The following LRRC4C variants were observed in gnomAD, a reference collection of about 807,000 sequenced individuals.
LRRC4C encodes the protein leucine rich repeat containing 4C.
A neutral mutation model predicts 33.6 loss-of-function variants in LRRC4C; 5 were observed. The ratio of observed to expected loss-of-function variants is 0.15; its 90% CI spans 0.08 to 0.31. The LOEUF (loss-of-function observed/expected upper bound fraction) is 0.31, where lower values mean the gene tolerates loss of function less well. Ranked by LOEUF, LRRC4C falls within the 10% of genes least tolerant of loss-of-function variation. The pLI is 1.00. For synonymous variants in LRRC4C, 329 were observed against 302.0 expected, an observed-to-expected ratio of 1.09 and a Z score of -0.93; for missense variants, 560 against 796.7, an observed-to-expected ratio of 0.70 and a Z score of 3.58.
At chr11:40,261,434 T>G (rs780965499) in intron 4 of LRRC4C, among the ~76,000 whole-genome samples, 8 of 152,102 alleles carry the variant, frequency 5.3e-5, no homozygotes, top group Non-Finnish European at 1.0e-4. Context: ...TATTTTCCAG[T>G]GTGAAGGAGA....
At chr11:40,763,904 G>C (rs747153325) in intron 2 of LRRC4C, among the ~76,000 whole-genome samples, 12 of 152,256 alleles carry the variant, frequency 7.9e-5, no homozygotes, top group African/African-American at 2.9e-4. Context: ...GCAATTCCTA[G>C]GCAAGTCTTG....
In LRRC4C at chr11:40,849,265, G is replaced by T. The variant is rs182137592; in HGVS notation, c.-407+84370C>A. ...GGTCTTTACATTTTGGTTTCTTTTT[G>T]CAGTGGCTTGTGCCAGGTTTTCCTT... On this transcript the variant is annotated intron_variant, in intron 2 of 6. Coordinates refer to ENST00000528697, the MANE Select transcript of LRRC4C (RefSeq NM_001258419.2). Among the ~76,000 whole-genome samples the T allele has an allele frequency of 2.4e-3, 366 of 152,248 alleles. 4 individuals carry two copies. Among genetic ancestry groups the T allele is most frequent in the African/African-American group, 7.9e-3 (330 of 41,554 alleles).
intron 2 of LRRC4C, among the ~76,000 whole-genome samples, chr11:40,828,097 T>C (rs1952243177): frequency 6.6e-6 from 1 of 151,394 alleles, no homozygotes; most frequent in South Asian, 2.1e-4. Flanking sequence ...GAGCTAAAAT[T>C]ATACTTGAAC....
At chr11:40,813,433 G>A (rs905145288) in intron 2 of LRRC4C, among the ~76,000 whole-genome samples, 2 of 152,074 alleles carry the variant, frequency 1.3e-5, no homozygotes, top group African/African-American at 2.4e-5. Flanking sequence ...AATTATTACA[G>A]TAACATTATG....
At chr11:40,442,134 G>A (rs1482023265) in intron 3 of LRRC4C, among the ~76,000 whole-genome samples, 2 of 118,020 alleles carry the variant, frequency 1.7e-5, no homozygotes, top group Non-Finnish European at 3.2e-5. Context: ...CTGCACTTCA[G>A]CCTGGGTGAC....
At chr11:41,141,056 T>C (rs1317683753) in intron 1 of LRRC4C, among the ~76,000 whole-genome samples, 2 of 152,172 alleles carry the variant, frequency 1.3e-5, no homozygotes, top group Non-Finnish European at 2.9e-5. Context: ...AAAGTAGATC[T>C]AGTAGTGTCA....
At chr11:40,354,506 G>C (rs553348614) in intron 3 of LRRC4C, among the ~76,000 whole-genome samples, 3 of 152,132 alleles carry the variant, frequency 2.0e-5, no homozygotes, top group African/African-American at 7.2e-5. Context: ...AGGAATTTAC[G>C]TGATGGTCTA....
chr11:41,338,987 G>A (rs117256162), intron 1 of LRRC4C, among the ~76,000 whole-genome samples: 1,606 of 152,186 alleles, frequency 0.011, 22 homozygotes, highest in Non-Finnish European at 0.015. Flanking sequence ...AACTAAAAGA[G>A]TAACACATAG....
intron 3 of LRRC4C, among the ~76,000 whole-genome samples, chr11:40,451,886 G>T (rs1652250862): frequency 6.6e-6 from 1 of 152,158 alleles, no homozygotes; most frequent in Non-Finnish European, 1.5e-5. Flanking sequence ...AATGATTTCT[G>T]CATTTGCAAC....
At chr11:41,002,210 A>G (rs916114429) in intron 1 of LRRC4C, among the ~76,000 whole-genome samples, 12 of 152,196 alleles carry the variant, frequency 7.9e-5, no homozygotes, top group African/African-American at 2.9e-4. Flanking sequence ...CTCATGGAGT[A>G]AAGAGGACTA....
chr11:40,372,559 A>G (rs910244286), intron 3 of LRRC4C, among the ~76,000 whole-genome samples: 2 of 152,198 alleles, frequency 1.3e-5, no homozygotes, highest in Non-Finnish European at 2.9e-5. Flanking sequence ...TTTGCCGCGT[A>G]ACATAACTTG....
intron 2 of LRRC4C, among the ~76,000 whole-genome samples, chr11:40,784,469 TA>T (rs1263605628): frequency 6.6e-6 from 1 of 152,178 alleles, no homozygotes; most frequent in Non-Finnish European, 1.5e-5. Flanking sequence ...GAGGTAGTGA[TA>T]AAATCTATTA....
intron 1 of LRRC4C, among the ~76,000 whole-genome samples, chr11:41,424,728 G>A (rs368280019): frequency 5.9e-5 from 9 of 151,966 alleles, no homozygotes; most frequent in South Asian, 2.1e-4. Context: ...AATATAATAC[G>A]CATTTATTTT....
chr11:41,250,821 G>A (rs1291618362), intron 1 of LRRC4C, among the ~76,000 whole-genome samples: 56 of 152,130 alleles, frequency 3.7e-4, no homozygotes, highest in Non-Finnish European at 1.3e-4. Context: ...CATCATTCTT[G>A]TTTTATTACT....
At chr11:40,939,815 T>G (rs1958064788) in intron 1 of LRRC4C, among the ~76,000 whole-genome samples, 1 of 152,158 alleles carries the variant, frequency 6.6e-6, no homozygotes, top group African/African-American at 2.4e-5. Flanking sequence ...ACAGTCCAAC[T>G]CAGCTTCCTT....
intron 2 of LRRC4C, among the ~76,000 whole-genome samples, chr11:40,835,148 T>C (rs1455219584): frequency 6.6e-6 from 1 of 152,256 alleles, no homozygotes; most frequent in East Asian, 1.9e-4. Context: ...ACCACCATCC[T>C]GATATTTCTT....
At chr11:41,449,483 T>A (rs1020006004) in intron 1 of LRRC4C, among the ~76,000 whole-genome samples, 1 of 151,860 alleles carries the variant, frequency 6.6e-6, no homozygotes, top group Non-Finnish European at 1.5e-5. Context: ...CAAAAAAAAA[T>A]GTCCCTATAT....
At chr11:40,421,981 C>G (rs1218520360) in intron 3 of LRRC4C, among the ~76,000 whole-genome samples, 1 of 152,212 alleles carries the variant, frequency 6.6e-6, no homozygotes, top group Non-Finnish European at 1.5e-5. Flanking sequence ...CCAAAGCAAG[C>G]CCACTGTTTC....
rs145989547 is a variant in LRRC4C, at chr11:40,183,734, C to T, written c.-95-42881G>A. On this transcript the variant is annotated intron_variant, in intron 5 of 6. Coordinates refer to ENST00000528697, the MANE Select transcript of LRRC4C (RefSeq NM_001258419.2). ...GTTTGAAGTGCTTGCATTTTGAAAACGTGAATCTCAGTAAAGGCCAACTTT... is the reference window on the plus strand; with the variant it reads ...GTTTGAAGTGCTTGCATTTTGAAAATGTGAATCTCAGTAAAGGCCAACTTT... 7.6e-3 allele frequency among the ~76,000 whole-genome samples: 1,161 copies of T among 152,266 alleles called. 17 individuals carry two copies. The highest frequency in any genetic ancestry group is 0.024 in the Middle Eastern group (7 of 294).
Sources: gnomAD v4.1 joint callset for allele counts (sites outside exome capture counted in the v4.1 genomes callset) on GRCh38, gnomAD v4.1.1 for gene constraint, MANE v1.5 for transcripts, NCBI Gene and HGNC (gene_info 2026-07-23, HGNC 2026-07-21) for gene names.